The following MCMDC2 variants were observed in gnomAD, a reference collection of about 807,000 sequenced individuals.
MCMDC2 encodes minichromosome maintenance domain containing 2.
Under a neutral mutation model 75.8 loss-of-function variants are expected in MCMDC2, and 54 were observed. The ratio of observed to expected loss-of-function variants is 0.71; its 90% CI spans 0.57 to 0.89. The LOEUF is 0.89. Among genes scored for constraint, MCMDC2 ranks in the 40% least tolerant of loss-of-function variants. MCMDC2 has a pLI of 0.00. For missense variants in MCMDC2, 656 were observed against 780.4 expected (o/e 0.84, Z 1.90); for synonymous variants, 249 against 274.6 (o/e 0.91, Z 0.92).
chr8:66,910,823 A>C (rs943540093), intron 14 of MCMDC2, among the ~76,000 whole-genome samples: 2 of 152,040 alleles, frequency 1.3e-5, no homozygotes, highest in Non-Finnish European at 2.9e-5. Flanking sequence ...AAAAAAAAAA[A>C]ATTACTGCCT....
rs1459323902 is a variant in MCMDC2 at position 66,919,307 on chromosome 8, A to G, written c.*138A>G. 4 of 632,742 alleles carry G rather than the reference A, an allele frequency of 6.3e-6. No individual in the cohort carries two copies. The East Asian group carries it at 1.3e-4, about 21-fold the overall frequency. The allele number at this position is 632,742 out of a possible 1,614,324, so 39.2% of individuals were successfully genotyped here. On this transcript the variant is annotated 3_prime_UTR_variant, in exon 15 of 15. Transcript: ENST00000422365. Reference sequence around the variant, plus strand: ...ACAATACTGTTTTTAAAAATATAAAATATAGTCCCCTCAAAACTAATTGCT... The same window carrying G: ...ACAATACTGTTTTTAAAAATATAAAGTATAGTCCCCTCAAAACTAATTGCT...
At chr8:66,916,549 G>A (rs886475943) in intron 14 of MCMDC2, among the ~76,000 whole-genome samples, 2 of 152,142 alleles carry the variant, frequency 1.3e-5, no homozygotes, top group Non-Finnish European at 2.9e-5. Context: ...AGCAGCCTTC[G>A]TGCCAGCACA....
At chr8:66,894,425 T>C (rs1812249023) in intron 10 of MCMDC2, among the ~76,000 whole-genome samples, 1 of 152,230 alleles carries the variant, frequency 6.6e-6, no homozygotes. Flanking sequence ...AATCCATAGT[T>C]CCTTGTCTTT....
At chr8:66,879,968 C>T (rs547491885) in intron 7 of MCMDC2, among the ~76,000 whole-genome samples, 82 of 152,276 alleles carry the variant, frequency 5.4e-4, no homozygotes, top group Non-Finnish European at 9.4e-4. Flanking sequence ...CCCTGTAAAC[C>T]TTTCTTTCAT....
intron 8 of MCMDC2, among the ~76,000 whole-genome samples, chr8:66,881,847 G>A (rs1357369576): frequency 6.6e-6 from 1 of 152,200 alleles, no homozygotes; most frequent in African/African-American, 2.4e-5. Flanking sequence ...AAAGTGGAGA[G>A]CAGACCTATT....
intron 9 of MCMDC2, among the ~76,000 whole-genome samples, chr8:66,885,085 G>A (rs1811772958): frequency 6.6e-6 from 1 of 152,110 alleles, no homozygotes; most frequent in Non-Finnish European, 1.5e-5. Context: ...TGTAATCCCA[G>A]CACTTTGGGA....
At chr8:66,884,060 G>A (rs1488459853) in intron 9 of MCMDC2, 66 bp downstream of exon 9, 2 of 969,796 alleles carry the variant, frequency 2.1e-6, no homozygotes, top group South Asian at 2.8e-5. Context: ...TCCTTTCCAT[G>A]AGCATTATTA....
At chr8:66,888,419 G>A (rs796245721) in intron 9 of MCMDC2, among the ~76,000 whole-genome samples, 16 of 152,244 alleles carry the variant, frequency 1.1e-4, no homozygotes, top group African/African-American at 3.6e-4. Flanking sequence ...AGAAGCCTTT[G>A]AGTATTTTGA....
intron 14 of MCMDC2, among the ~76,000 whole-genome samples, chr8:66,910,344 T>C (rs1374289472): frequency 6.6e-6 from 1 of 152,146 alleles, no homozygotes; most frequent in African/African-American, 2.4e-5. Context: ...GCTTGCACCA[T>C]CACCTGGAAA....
chr8:66,888,455 CA>C (rs1811945647), intron 9 of MCMDC2, among the ~76,000 whole-genome samples: 1 of 152,158 alleles, frequency 6.6e-6, no homozygotes, highest in Non-Finnish European at 1.5e-5. Context: ...ACGTGTAAAT[CA>C]ATTTTGGGCA....
At chr8:66,888,946 G>A (rs1811968361) in intron 9 of MCMDC2, among the ~76,000 whole-genome samples, 1 of 152,184 alleles carries the variant, frequency 6.6e-6, no homozygotes, top group African/African-American at 2.4e-5. Context: ...ATCTCCCCAG[G>A]TAAGGTTAGT....
At chr8:66,898,667 A>G (rs1056554037) in intron 12 of MCMDC2, among the ~76,000 whole-genome samples, 45 of 152,236 alleles carry the variant, frequency 3.0e-4, no homozygotes, top group Non-Finnish European at 5.0e-4. Flanking sequence ...GTTAAGGAAC[A>G]ATTTAAGTGC....
At chr8:66,884,961 T>C (rs1419334072) in intron 9 of MCMDC2, among the ~76,000 whole-genome samples, 1 of 151,972 alleles carries the variant, frequency 6.6e-6, no homozygotes, top group Non-Finnish European at 1.5e-5. Context: ...ATTTTTTATA[T>C]AAACAAAGTC....
Position 66,919,054 on chromosome 8 carries a change from A to G in MCMDC2, c.1931A>G (p.Tyr644Cys), listed in dbSNP as rs768834302. Residue 644 changes from tyrosine (Y) to cysteine (C), a missense_variant, in exon 15 of 15, where the codon TAT becomes TGT. Coordinates refer to ENST00000422365, the MANE Select transcript of MCMDC2 (RefSeq NM_173518.5). ...AATGCAGTATTTCCATTTGAACTGT[A>G]TAATGAAGAATACTTAGAGCAAAGG... ...APNAVFPFEL[Y>C]NEEYLEQRDL... 11 of 1,549,930 alleles carry G rather than the reference A, an allele frequency of 7.1e-6. No homozygotes were observed. The African/African-American group carries it at 8.2e-5, about 12-fold the overall frequency.
At chr8:66,877,604 C>T in intron 5 of MCMDC2, 60 bp downstream of exon 5, 1 of 1,233,568 alleles carries the variant, frequency 8.1e-7, no homozygotes, top group African/African-American at 1.5e-5. Context: ...GTGGCTCACA[C>T]CTGTAATCCC....
intron 10 of MCMDC2, among the ~76,000 whole-genome samples, chr8:66,895,511 A>G (rs1041369719): frequency 6.6e-6 from 1 of 151,404 alleles, no homozygotes; most frequent in African/African-American, 2.4e-5. Flanking sequence ...GGCTCAAGCA[A>G]TTCTCTCACC....
At chr8:66,889,610 C>A (rs1489195980) in intron 9 of MCMDC2, among the ~76,000 whole-genome samples, 6 of 152,014 alleles carry the variant, frequency 3.9e-5, no homozygotes, top group African/African-American at 1.5e-4. Flanking sequence ...CCAGCCTGGG[C>A]AACATGGTGA....
At position 66,896,338 on chromosome 8, in the gene MCMDC2, T is replaced by G. The variant is rs1456317305; in HGVS notation, c.1446+2T>G. On this transcript the variant is annotated splice_donor_variant, in intron 11 of 14. Transcript: ENST00000422365. LOFTEE classifies it high-confidence loss of function. ...ATCAACACTCTAATTGGTCAGATGGTAAGGTATATGTATATTTTATTGTTA... is the reference window on the plus strand; with the variant it reads ...ATCAACACTCTAATTGGTCAGATGGGAAGGTATATGTATATTTTATTGTTA... The G allele has an allele frequency of 6.3e-7, 1 of 1,599,874 alleles. No individual in the cohort carries two copies. Among genetic ancestry groups the G allele is most frequent in the Non-Finnish European group, 8.5e-7 (1 of 1,176,212 alleles).
At chr8:66,915,471 A>G (rs927371184) in intron 14 of MCMDC2, among the ~76,000 whole-genome samples, 6 of 145,396 alleles carry the variant, frequency 4.1e-5, no homozygotes, top group Admixed American at 1.4e-4. Flanking sequence ...AAAGTTTTAT[A>G]TATTTATATA....
Sources: allele counts gnomAD v4.1 joint callset (sites outside exome capture counted in the v4.1 genomes callset), GRCh38; gene constraint gnomAD v4.1.1; transcripts MANE v1.5; gene names NCBI Gene and HGNC (gene_info 2026-07-23, HGNC 2026-07-21).